CENPP: variants seen among roughly 807,000 people sequenced by gnomAD.
CENPP encodes centromere protein P.
CENPP carries 24 observed loss-of-function variants against 35.6 expected under a neutral mutation model. That is an observed-to-expected ratio of 0.67 (90% confidence interval 0.49 to 0.95). The LOEUF is 0.95. Among genes scored for constraint, CENPP ranks in the 40% least tolerant of loss-of-function variants. CENPP has a pLI of 0.00. For missense variants in CENPP, 332 were observed against 345.3 expected, an observed-to-expected ratio of 0.96 and a Z score of 0.31; for synonymous variants, 120 against 125.5, an observed-to-expected ratio of 0.96 and a Z score of 0.29.
chr9:92,540,653 C>T (rs1300440944), intron 5 of CENPP, among the ~76,000 whole-genome samples: 1 of 151,498 alleles, frequency 6.6e-6, no homozygotes, highest in Non-Finnish European at 1.5e-5. Context: ...CGCCTGTAGT[C>T]GCAGCTACTC....
intron 5 of CENPP, among the ~76,000 whole-genome samples, chr9:92,558,065 C>T (rs546304397): frequency 1.1e-3 from 161 of 151,974 alleles, no homozygotes; most frequent in African/African-American, 3.5e-3. Flanking sequence ...TTTGGATTTC[C>T]TTGCTTTGGG....
chr9:92,548,420 G>T (rs1314020127), intron 5 of CENPP, among the ~76,000 whole-genome samples: 2 of 152,116 alleles, frequency 1.3e-5, no homozygotes, highest in African/African-American at 4.8e-5. Flanking sequence ...CCCAATTAGG[G>T]GGTTGTCCAC....
intron 4 of CENPP, among the ~76,000 whole-genome samples, chr9:92,346,352 C>A (rs1266940390): frequency 1.3e-5 from 2 of 152,066 alleles, no homozygotes; most frequent in African/African-American, 4.8e-5. Flanking sequence ...CTTGAACTGA[C>A]ATCTGAAAAA....
At chr9:92,505,991 T>C (rs1846984562) in intron 5 of CENPP, among the ~76,000 whole-genome samples, 2 of 151,690 alleles carry the variant, frequency 1.3e-5, no homozygotes, top group Non-Finnish European at 2.9e-5. Flanking sequence ...GGGAGGGAGA[T>C]AGGAAAGAGA....
At chr9:92,464,376 G>A (rs1167513605) in intron 5 of CENPP, among the ~76,000 whole-genome samples, 2 of 152,188 alleles carry the variant, frequency 1.3e-5, no homozygotes, top group African/African-American at 2.4e-5. Context: ...CACTTCCTAC[G>A]TGCTGGATGT....
At chr9:92,607,718 G>C (rs1851121494) in intron 5 of CENPP, among the ~76,000 whole-genome samples, 1 of 152,190 alleles carries the variant, frequency 6.6e-6, no homozygotes, top group Non-Finnish European at 1.5e-5. Flanking sequence ...ATTTAAGTGG[G>C]AGACATAGCA....
intron 4 of CENPP, among the ~76,000 whole-genome samples, chr9:92,370,613 T>G (rs1390949567): frequency 6.6e-6 from 1 of 152,162 alleles, no homozygotes; most frequent in East Asian, 1.9e-4. Context: ...CCCAAGTAGC[T>G]GGGAACACAG....
At position 92,618,603 on chromosome 9, in the gene CENPP, T is replaced by C. The variant is rs769265408; in HGVS notation, c.*5454T>C. On this transcript the variant is annotated 3_prime_UTR_variant, in exon 8 of 8. Coordinates refer to ENST00000375587, the MANE Select transcript of CENPP (RefSeq NM_001012267.3). ...CCACCAGCTTAATCCAGTTAAGGAA[T>C]TCCTCATAACTTAGCCCTGTAGGTA... The C allele has an allele frequency of 4.4e-6, 2 of 456,234 alleles. No individual in the cohort carries two copies. Among genetic ancestry groups the C allele is most frequent in the Admixed American group, 2.4e-5 (1 of 42,552 alleles). The allele number at this position is 456,234 out of a possible 1,614,324, so 28.3% of individuals were successfully genotyped here.
chr9:92,392,958 G>A (rs1245515502), intron 5 of CENPP: 1 of 660,358 alleles, frequency 1.5e-6, no homozygotes, highest in East Asian at 2.8e-5. Context: ...TGTGAAACAT[G>A]TTAGATATTT....
At chr9:92,513,736 A>G (rs917268733) in intron 5 of CENPP, among the ~76,000 whole-genome samples, 9 of 152,370 alleles carry the variant, frequency 5.9e-5, no homozygotes, top group Non-Finnish European at 1.2e-4. Context: ...AAAACTGTAG[A>G]GACAGAAAAC....
At chr9:92,326,610 C>T (rs1197574769) in intron 1 of CENPP, among the ~76,000 whole-genome samples, 2 of 152,164 alleles carry the variant, frequency 1.3e-5, no homozygotes. Context: ...GTAGGTGCTA[C>T]TGTTAGCCCT....
chr9:92,600,655 G>A lies in CENPP; in HGVS notation c.565-10659G>A, dbSNP rs1850889639. ...TGGTCGGCCATCCCTTCTGGTGGGG[G>A]TTGTGTTTTTGCTCCTGTGGCAAAG... On this transcript the variant is annotated intron_variant, in intron 5 of 7. Coordinates refer to ENST00000375587, the MANE Select transcript of CENPP (RefSeq NM_001012267.3). 2.1e-6 allele frequency: 3 copies of A among 1,413,830 alleles called. No homozygotes were observed. In the South Asian group the frequency reaches 4.3e-5, roughly 20 times the overall value. The allele number at this position is 1,413,830 out of a possible 1,614,324, so 87.6% of individuals were successfully genotyped here.
chr9:92,573,155 CT>C (rs1421149262), intron 5 of CENPP, among the ~76,000 whole-genome samples: 1 of 152,220 alleles, frequency 6.6e-6, no homozygotes, highest in East Asian at 1.9e-4. Flanking sequence ...AGCTGCGTTC[CT>C]TTGGAGGAGA....
chr9:92,532,013 A>ATTTTTTTT, intron 5 of CENPP, among the ~76,000 whole-genome samples: 1 of 68,950 alleles, frequency 1.5e-5, no homozygotes. Context: ...TTTTTATTTA[A>ATTTTTTTT]TGTTTTTTTT....
intron 5 of CENPP, among the ~76,000 whole-genome samples, chr9:92,433,796 G>C (rs1844178376): frequency 6.6e-6 from 1 of 152,108 alleles, no homozygotes; most frequent in Non-Finnish European, 1.5e-5. Context: ...GCTGGGTACA[G>C]TGGTGCTTGC....
chr9:92,462,986 A>C (rs1845173703), intron 5 of CENPP, among the ~76,000 whole-genome samples: 1 of 152,214 alleles, frequency 6.6e-6, no homozygotes, highest in South Asian at 2.1e-4. Context: ...TGTGTCCCTT[A>C]GGAAATGGGG....
At chr9:92,436,336 T>G (rs532034455) in intron 5 of CENPP, among the ~76,000 whole-genome samples, 2 of 152,238 alleles carry the variant, frequency 1.3e-5, no homozygotes. Context: ...TGCAAAGATT[T>G]TCTCCATTCT....
chr9:92,500,339 C>G lies in CENPP; in HGVS notation c.565-110975C>G, dbSNP rs144111152. 7.6e-3 allele frequency among the ~76,000 whole-genome samples: 1,158 copies of G among 152,244 alleles called. 17 individuals carry two copies. Among genetic ancestry groups the G allele is most frequent in the African/African-American group, 0.026 (1,078 of 41,550 alleles). ...CTGGCATTACAGACACGCACCACCA[C>G]GCCCTGCTAAGTTTTGTATTTTTAG... is the stretch of plus-strand genomic sequence containing the variant. On this transcript the variant is annotated intron_variant, in intron 5 of 7. Transcript: ENST00000375587.
At chr9:92,420,059 T>C (rs1400944386) in intron 5 of CENPP, among the ~76,000 whole-genome samples, 1 of 152,204 alleles carries the variant, frequency 6.6e-6, no homozygotes. Flanking sequence ...TTGAGCTCTC[T>C]TCCTGCAGTG....
Sources: gnomAD v4.1 joint callset for allele counts (sites outside exome capture counted in the v4.1 genomes callset) on GRCh38, gnomAD v4.1.1 for gene constraint, MANE v1.5 for transcripts, NCBI Gene and HGNC (gene_info 2026-07-23, HGNC 2026-07-21) for gene names.